Variants in EFCAB3 observed in about 807,000 individuals in gnomAD.
The protein encoded by EFCAB3 is EF-hand calcium binding domain 3.
A neutral mutation model predicts 42.2 loss-of-function variants in EFCAB3; 36 were observed. The observed-to-expected ratio is 0.85, with a 90% CI of 0.65 to 1.13. The LOEUF (loss-of-function observed/expected upper bound fraction) is 1.13. EFCAB3 is among the 50% of genes most tolerant of loss of function. EFCAB3 has a pLI of 0.00. For missense variants in EFCAB3, 418 were observed against 505.1 expected, an observed-to-expected ratio of 0.83 and a Z score of 1.65; for synonymous variants, 170 against 172.8, an observed-to-expected ratio of 0.98 and a Z score of 0.13.
At chr17:62,396,656 G>T (rs2070352206) in intron 6 of EFCAB3, among the ~76,000 whole-genome samples, 1 of 152,064 alleles carries the variant, frequency 6.6e-6, no homozygotes, top group African/African-American at 2.4e-5. Flanking sequence ...TACTCAGGGG[G>T]CTGAGATGGG....
At chr17:62,382,824 C>G in intron 1 of EFCAB3, 139 bp from the exon 2 acceptor site, 4 of 655,030 alleles carry the variant, frequency 6.1e-6, no homozygotes, top group Non-Finnish European at 1.0e-5. Context: ...ATGCATACCT[C>G]TAACTTGAGT....
intron 6 of EFCAB3, among the ~76,000 whole-genome samples, chr17:62,401,266 T>C (rs963480324): frequency 1.3e-5 from 2 of 152,246 alleles, no homozygotes; most frequent in Non-Finnish European, 2.9e-5. Context: ...GTAGTTTCTT[T>C]TGCTGTGCAG....
chr17:62,392,236 T>C (rs997795664), intron 4 of EFCAB3, among the ~76,000 whole-genome samples: 1 of 150,686 alleles, frequency 6.6e-6, no homozygotes, highest in Non-Finnish European at 1.5e-5. Flanking sequence ...TATCCATATA[T>C]CTATGTATAC....
chr17:62,404,056 C>G (rs994683093), intron 6 of EFCAB3, among the ~76,000 whole-genome samples: 2 of 152,138 alleles, frequency 1.3e-5, no homozygotes, highest in Non-Finnish European at 2.9e-5. Context: ...ACAGTTTCCC[C>G]CTTTGTGAGT....
intron 2 of EFCAB3, among the ~76,000 whole-genome samples, chr17:62,386,518 G>C (rs1407104657): frequency 1.3e-5 from 2 of 151,778 alleles, no homozygotes; most frequent in African/African-American, 2.4e-5. Context: ...TTCTCTGTAA[G>C]GGTATTCACC....
At chr17:62,377,087 A>G (rs1351794077), upstream of EFCAB3, among the ~76,000 whole-genome samples, 1 of 152,138 alleles carries the variant, frequency 6.6e-6, no homozygotes, top group Admixed American at 6.6e-5. Flanking sequence ...AGGAAAAGAA[A>G]AGCTGCTTCA....
intron 8 of EFCAB3, among the ~76,000 whole-genome samples, chr17:62,412,545 A>G: frequency 6.6e-6 from 1 of 151,136 alleles, no homozygotes; most frequent in East Asian, 2.0e-4. Context: ...GCTCACTACA[A>G]CCTCTGCCTC....
At chr17:62,409,973 G>C (rs185187393) in intron 8 of EFCAB3, among the ~76,000 whole-genome samples, 36 of 149,142 alleles carry the variant, frequency 2.4e-4, no homozygotes, top group Admixed American at 9.4e-4. Flanking sequence ...GCCAAAGCAG[G>C]TGGATCACCT....
At chr17:62,383,447 C>A (rs1344504744) in intron 2 of EFCAB3, among the ~76,000 whole-genome samples, 1 of 152,008 alleles carries the variant, frequency 6.6e-6, no homozygotes, top group African/African-American at 2.4e-5. Context: ...GCACTCCAGC[C>A]TGGTGACAGA....
At chr17:62,386,257 C>T (rs185717446) in intron 2 of EFCAB3, among the ~76,000 whole-genome samples, 6 of 152,072 alleles carry the variant, frequency 3.9e-5, no homozygotes, top group Admixed American at 3.9e-4. Flanking sequence ...TGTTCTTAAA[C>T]TAATAAATTA....
intron 1 of EFCAB3, among the ~76,000 whole-genome samples, chr17:62,373,255 G>A (rs2070126729): frequency 1.3e-5 from 2 of 149,860 alleles, no homozygotes; most frequent in Non-Finnish European, 3.0e-5. Context: ...ACTCCAGCCT[G>A]GGTGACAGAG....
At chr17:62,373,885 A>T (rs919293253) in intron 2 of EFCAB3, 4 of 1,292,636 alleles carry the variant, frequency 3.1e-6, no homozygotes. Flanking sequence ...AAAATTTATT[A>T]TACAATATAA....
intron 3 of EFCAB3, among the ~76,000 whole-genome samples, chr17:62,389,268 G>C (rs576130777): frequency 5.9e-5 from 9 of 152,348 alleles, no homozygotes; most frequent in African/African-American, 2.2e-4. Context: ...GTCTCTGACT[G>C]TAAGAGGTGG....
At chr17:62,375,886 A>AT (rs908794525), upstream of EFCAB3, among the ~76,000 whole-genome samples, 1 of 151,728 alleles carries the variant, frequency 6.6e-6, no homozygotes, top group African/African-American at 2.4e-5. Flanking sequence ...CTAAAAATAT[A>AT]TTTTTTTCTT....
At chr17:62,403,536 A>G (rs1048957199) in intron 6 of EFCAB3, among the ~76,000 whole-genome samples, 1 of 152,202 alleles carries the variant, frequency 6.6e-6, no homozygotes, top group African/African-American at 2.4e-5. Context: ...CCTTCTAAAA[A>G]GCCTACAGTG....
intron 6 of EFCAB3, among the ~76,000 whole-genome samples, chr17:62,401,963 G>A (rs1416189909): frequency 3.3e-5 from 5 of 151,938 alleles, no homozygotes; most frequent in South Asian, 4.2e-4. Context: ...CTTTTATTTC[G>A]TTGAGCAGTG....
Position 62,391,964 on chromosome 17 carries a change from T to A in EFCAB3, c.294T>A (p.Asp98Glu), listed in dbSNP as rs767543643. Reference sequence around the variant, plus strand: ...ATGAATTGAAATGTGCTGATATTGATCGTGAGTCCTTTGGCTTCTCATTGT... The same window carrying A: ...ATGAATTGAAATGTGCTGATATTGAACGTGAGTCCTTTGGCTTCTCATTGT... ...VYNELKCADI[D>E]RDGKVNFSDF... The change falls in exon 4 of 10, where the codon GAT (aspartate) becomes GAA (glutamate). Residue 98 changes from aspartate to glutamate, a missense_variant and splice_region_variant. Physicochemically the swap from Asp to Glu is conservative, Grantham distance 45. Transcript: ENST00000305286. 2 of 1,597,828 alleles carry A rather than the reference T, an allele frequency of 1.3e-6. No individual in the cohort carries two copies. Among genetic ancestry groups the A allele is most frequent in the South Asian group, 2.3e-5 (2 of 87,714 alleles).
At chr17:62,381,818 C>A in intron 1 of EFCAB3, 2 of 433,966 alleles carry the variant, frequency 4.6e-6, no homozygotes, top group South Asian at 1.8e-5. Flanking sequence ...ATGGAAAAAG[C>A]ATTGAAGATG....
chr17:62,375,696 C>T (rs2070144943), upstream of EFCAB3, among the ~76,000 whole-genome samples: 1 of 152,180 alleles, frequency 6.6e-6, no homozygotes, highest in Non-Finnish European at 1.5e-5. Flanking sequence ...TCAGAACAAA[C>T]AGTTCTGTAA....
Sources: allele counts gnomAD v4.1 joint callset (sites outside exome capture counted in the v4.1 genomes callset), GRCh38; gene constraint gnomAD v4.1.1; transcripts MANE v1.5; gene names NCBI Gene and HGNC (gene_info 2026-07-23, HGNC 2026-07-21).